CLASP1: variants seen among roughly 807,000 people sequenced by gnomAD.
CLASP1 encodes cytoplasmic linker associated protein 1.
A neutral mutation model predicts 192.3 loss-of-function variants in CLASP1; 38 were observed. That is an observed-to-expected ratio of 0.20 (90% CI 0.15 to 0.26). The LOEUF is 0.26. Among genes scored for constraint, CLASP1 ranks in the 10% least tolerant of loss-of-function variants. The pLI is 1.00. For missense variants in CLASP1, 1,433 were observed against 1,932.5 expected (o/e 0.74, Z 4.85); for synonymous variants, 691 against 712.8 (o/e 0.97, Z 0.49).
chr2:121,528,634 G>A (rs748034414), intron 4 of CLASP1, 43 bp downstream of exon 4: 12 of 1,502,982 alleles, frequency 8.0e-6, no homozygotes, highest in African/African-American at 5.5e-5. Flanking sequence ...GTGCATGCAC[G>A]CGCACTGGCC....
intron 2 of CLASP1, among the ~76,000 whole-genome samples, chr2:121,590,966 C>A (rs937473684): frequency 6.6e-5 from 10 of 150,558 alleles, no homozygotes; most frequent in Admixed American, 4.0e-4. Context: ...CTCCCGGGTT[C>A]AAGCGATTCT....
At chr2:121,605,016 C>T (rs1229053305) in intron 2 of CLASP1, among the ~76,000 whole-genome samples, 1 of 152,124 alleles carries the variant, frequency 6.6e-6, no homozygotes, top group African/African-American at 2.4e-5. Flanking sequence ...GGAACACCAC[C>T]TCTTCAGCAC....
intron 34 of CLASP1, among the ~76,000 whole-genome samples, chr2:121,368,960 C>T (rs1195218621): frequency 2.6e-5 from 4 of 152,162 alleles, no homozygotes; most frequent in African/African-American, 4.8e-5. Context: ...CCAACAAAAA[C>T]CCTGCATCCT....
chr2:121,591,076 C>T (rs2062345310), intron 2 of CLASP1, among the ~76,000 whole-genome samples: 1 of 152,062 alleles, frequency 6.6e-6, no homozygotes, highest in Non-Finnish European at 1.5e-5. Flanking sequence ...CCATGTTGGC[C>T]AGGGTGGTCT....
chr2:121,438,309 T>A (rs147697646), intron 19 of CLASP1, among the ~76,000 whole-genome samples: 257 of 152,360 alleles, frequency 1.7e-3, no homozygotes, highest in African/African-American at 5.9e-3. Flanking sequence ...AGTAGACAGC[T>A]TAGTTACAAA....
intron 8 of CLASP1, among the ~76,000 whole-genome samples, chr2:121,470,841 A>G (rs911477585): frequency 1.3e-5 from 2 of 152,184 alleles, no homozygotes; most frequent in Non-Finnish European, 2.9e-5. Context: ...ATTTAATATT[A>G]CCATTTTTAA....
chr2:121,543,946 A>G (rs2095281414), intron 2 of CLASP1, among the ~76,000 whole-genome samples: 1 of 152,218 alleles, frequency 6.6e-6, no homozygotes, highest in African/African-American at 2.4e-5. Flanking sequence ...TTTGAGGCAA[A>G]TATCATAACT....
rs959200471 is a variant in CLASP1 at position 121,445,475 on chromosome 2, T to C, written c.1912+1862A>G. 17 of 1,289,456 alleles carry C rather than the reference T, an allele frequency of 1.3e-5. No homozygotes were observed. The African/African-American group carries it at 2.6e-4, about 20-fold the overall frequency. 79.9% of individuals were successfully genotyped at this position (1,289,456 alleles called of 1,614,324 possible). On this transcript the variant is annotated intron_variant, in intron 19 of 39. Coordinates refer to ENST00000263710, the Ensembl canonical transcript of CLASP1. ...TGAGTCCAGGCCTATGTACTCCATG[T>C]CTTCCCTCATGTGTCTGGACTCTAG...
intron 2 of CLASP1, among the ~76,000 whole-genome samples, chr2:121,539,251 A>C (rs1197233872): frequency 6.6e-6 from 1 of 152,232 alleles, no homozygotes; most frequent in African/African-American, 2.4e-5. Context: ...CTCCCCGTGG[A>C]TATCAAGATT....
Position 121,503,140 on chromosome 2 carries a change from A to G in CLASP1, c.712+27T>C, listed in dbSNP as rs997668863. On this transcript the variant is annotated intron_variant, in intron 8 of 39. Coordinates refer to ENST00000263710, the Ensembl canonical transcript of CLASP1. ...ATGCGAATGTAAAACTGAAAAAGCA[A>G]AAGTAGGGATTGCTTTTTCTACTCA... The G allele has an allele frequency of 2.3e-5, 34 of 1,467,950 alleles. No individual in the cohort carries two copies. The East Asian group carries it at 3.7e-4, about 16-fold the overall frequency. The allele number at this position is 1,467,950 out of a possible 1,614,324, so 90.9% of individuals were successfully genotyped here.
At chr2:121,620,279 G>A (rs2106097027) in intron 1 of CLASP1, among the ~76,000 whole-genome samples, 1 of 152,030 alleles carries the variant, frequency 6.6e-6, no homozygotes, top group South Asian at 2.1e-4. Context: ...TGTCTGATTA[G>A]GGATCAGAAA....
intron 8 of CLASP1, among the ~76,000 whole-genome samples, chr2:121,500,397 A>AAAGAAAAG (rs1270963277): frequency 2.3e-5 from 3 of 132,130 alleles, no homozygotes; most frequent in Non-Finnish European, 5.0e-5. Context: ...AGAAAGAAAG[A>AAAGAAAAG]AAAGAAAGAA....
intron 37 of CLASP1, among the ~76,000 whole-genome samples, chr2:121,352,203 C>A (rs142198222): frequency 1.3e-5 from 2 of 152,228 alleles, no homozygotes; most frequent in Non-Finnish European, 2.9e-5. Flanking sequence ...TGGTGTTCTG[C>A]GGGCCTTCCT....
intron 9 of CLASP1, among the ~76,000 whole-genome samples, chr2:121,465,288 A>G (rs1462291111): frequency 1.3e-5 from 2 of 152,188 alleles, no homozygotes; most frequent in Non-Finnish European, 1.5e-5. Context: ...CTCAGCCCAA[A>G]ATCTCCTCAA....
At chr2:121,544,595 G>GAGGGCC (rs2095294557) in intron 2 of CLASP1, among the ~76,000 whole-genome samples, 1 of 151,866 alleles carries the variant, frequency 6.6e-6, no homozygotes, top group Admixed American at 6.6e-5. Context: ...AAAATTTATT[G>GAGGGCC]ATCACTTATT....
chr2:121,631,228 T>C (rs1576614576), intron 1 of CLASP1, among the ~76,000 whole-genome samples: 1 of 146,950 alleles, frequency 6.8e-6, no homozygotes, highest in Non-Finnish European at 1.5e-5. Context: ...CACTGAACTA[T>C]AGTCATATTT....
chr2:121,481,623 G>T (rs1350261831), intron 8 of CLASP1, among the ~76,000 whole-genome samples: 2 of 152,224 alleles, frequency 1.3e-5, no homozygotes, highest in Admixed American at 6.5e-5. Flanking sequence ...GGAAGTTCAA[G>T]TCCAGAGCAC....
intron 34 of CLASP1, among the ~76,000 whole-genome samples, chr2:121,373,345 A>G (rs2069193100): frequency 6.6e-6 from 1 of 152,202 alleles, no homozygotes; most frequent in African/African-American, 2.4e-5. Flanking sequence ...TAGAACTGTG[A>G]GTCAATTAAA....
At chr2:121,400,835 C>A (rs1251830074) in intron 28 of CLASP1, among the ~76,000 whole-genome samples, 1 of 152,184 alleles carries the variant, frequency 6.6e-6, no homozygotes, top group Non-Finnish European at 1.5e-5. Context: ...ATTTGACATT[C>A]CCCCCATCCA....
Sources: allele counts gnomAD v4.1 joint callset (sites outside exome capture counted in the v4.1 genomes callset), GRCh38; gene constraint gnomAD v4.1.1; transcripts MANE v1.5; gene names NCBI Gene and HGNC (gene_info 2026-07-23, HGNC 2026-07-21).